Variants in ACTR3C observed in about 807,000 individuals in gnomAD.
ACTR3C encodes actin related protein 3C, also known as actin-related protein 3C.
ACTR3C carries 18 observed loss-of-function variants against 26.3 expected under a neutral mutation model. That is an observed-to-expected ratio of 0.68 (90% CI 0.47 to 1.01). The LOEUF is 1.01. Ranked by LOEUF, ACTR3C falls within the 50% of genes least tolerant of loss-of-function variation. The pLI is 0.00. For synonymous variants in ACTR3C, 55 were observed against 94.5 expected, an observed-to-expected ratio of 0.58 and a Z score of 2.42; for missense variants, 184 against 250.7, an observed-to-expected ratio of 0.73 and a Z score of 1.80.
At chr7:149,950,285 T>C in the ACTR3C span, among the ~76,000 whole-genome samples, 1 of 137,924 alleles carries the variant, frequency 7.3e-6, no homozygotes, top group African/African-American at 3.2e-5. Context: ...TGCCCTCCAG[T>C]GTATTTCACA....
At chr7:150,237,791 G>A in the ACTR3C span, among the ~76,000 whole-genome samples, 1 of 151,444 alleles carries the variant, frequency 6.6e-6, no homozygotes, top group African/African-American at 2.4e-5. Flanking sequence ...ACTTCCTGAA[G>A]AACTTTTTCA....
chr7:149,988,155 G>A, the ACTR3C span, among the ~76,000 whole-genome samples: 9 of 152,318 alleles, frequency 5.9e-5, no homozygotes, highest in Admixed American at 2.0e-4. Context: ...AGGAATGGGC[G>A]AGTTGTTGCC....
At chr7:150,292,695 C>T (rs150085869) in intron 3 of ACTR3C, among the ~76,000 whole-genome samples, 6,728 of 152,238 alleles carry the variant, frequency 0.044, 304 homozygotes, top group South Asian at 0.16. Context: ...CAGGGTTTCT[C>T]CATGTTGGTC....
chr7:150,080,512 AGTGTTTGTGTGTGTATGTGTGTGT>A, the ACTR3C span, among the ~76,000 whole-genome samples: 1 of 127,756 alleles, frequency 7.8e-6, no homozygotes, highest in Non-Finnish European at 1.6e-5. Flanking sequence ...CTGCTGTATG[AGTGTTTGTGTGTGTATGTGTGTGT>A]GTGTGTGTGT....
At chr7:150,039,345 C>G in the ACTR3C span, among the ~76,000 whole-genome samples, 1 of 133,840 alleles carries the variant, frequency 7.5e-6, no homozygotes, top group East Asian at 2.4e-4. Context: ...CAGTCCCCAC[C>G]CTCGTGGGGT....
chr7:149,918,269 TAAAGTGTTTTA>T, the ACTR3C span, among the ~76,000 whole-genome samples: 2 of 152,170 alleles, frequency 1.3e-5, no homozygotes, highest in Admixed American at 1.3e-4. Flanking sequence ...GACTTCCAGT[TAAAGTGTTTTA>T]AAAGTGTTTT....
intron 6 of ACTR3C, among the ~76,000 whole-genome samples, chr7:150,265,640 G>A (rs1833980795): frequency 1.3e-5 from 2 of 152,156 alleles, no homozygotes; most frequent in South Asian, 4.1e-4. Context: ...GTTGCAGTGA[G>A]CCGAGATGGC....
the ACTR3C span, among the ~76,000 whole-genome samples, chr7:149,941,063 C>T: frequency 1.3e-5 from 2 of 152,152 alleles, no homozygotes; most frequent in African/African-American, 2.4e-5. Flanking sequence ...TTTAAAGCCA[C>T]GACCTTCTGT....
At chr7:150,241,983 C>T (rs1832202719), downstream of ACTR3C, among the ~76,000 whole-genome samples, 1 of 152,014 alleles carries the variant, frequency 6.6e-6, no homozygotes, top group Admixed American at 6.6e-5. Context: ...TTTGGGAGGC[C>T]GAAGCGGGCG....
chr7:150,023,856 T>C, the ACTR3C span, among the ~76,000 whole-genome samples: 3 of 132,552 alleles, frequency 2.3e-5, no homozygotes, highest in African/African-American at 5.4e-5. Context: ...AACTGATGTA[T>C]AAAACACTAA....
chr7:150,037,896 G>T, the ACTR3C span, among the ~76,000 whole-genome samples: 11 of 129,634 alleles, frequency 8.5e-5, no homozygotes, highest in East Asian at 1.5e-3. Context: ...GGGAAGAGGG[G>T]CTCGCTCTCA....
chr7:150,270,614 C>T, intron 6 of ACTR3C, among the ~76,000 whole-genome samples: 1 of 135,154 alleles, frequency 7.4e-6, no homozygotes, highest in South Asian at 2.1e-4. Context: ...TGGGCGCCAC[C>T]CCCCCGCCCT....
chr7:150,033,890 G>T, the ACTR3C span, among the ~76,000 whole-genome samples: 2 of 151,460 alleles, frequency 1.3e-5, no homozygotes, highest in Admixed American at 6.6e-5. Flanking sequence ...GGGGAAGAGG[G>T]GCTCGCTCTC....
At chr7:150,163,384 A>G in the ACTR3C span, among the ~76,000 whole-genome samples, 3,200 of 148,780 alleles carry the variant, frequency 0.022, 42 homozygotes, top group Non-Finnish European at 0.033. Flanking sequence ...ATATGTGTGT[A>G]TGTGTGTGTG....
the ACTR3C span, among the ~76,000 whole-genome samples, chr7:150,174,115 G>A: frequency 7.2e-6 from 1 of 139,154 alleles, no homozygotes; most frequent in East Asian, 2.0e-4. Flanking sequence ...ACATTTTCAG[G>A]TATCTTTTCA....
At chr7:149,904,876 A>G in the ACTR3C span, among the ~76,000 whole-genome samples, 1 of 151,192 alleles carries the variant, frequency 6.6e-6, no homozygotes, top group East Asian at 2.0e-4. Context: ...AAATACAAAA[A>G]TTAGCTGGAC....
the ACTR3C span, among the ~76,000 whole-genome samples, chr7:149,993,340 G>A: frequency 3.9e-5 from 6 of 152,174 alleles, no homozygotes; most frequent in Admixed American, 1.3e-4. Context: ...GGTGCCCTGC[G>A]AGGCCAAGCA....
At chr7:149,921,001 C>T in the ACTR3C span, among the ~76,000 whole-genome samples, 1 of 151,852 alleles carries the variant, frequency 6.6e-6, no homozygotes, top group Non-Finnish European at 1.5e-5. Context: ...GGTGATCTGC[C>T]CACCTCGGCT....
the ACTR3C span, among the ~76,000 whole-genome samples, chr7:150,180,288 G>C: frequency 6.7e-6 from 1 of 149,978 alleles, no homozygotes; most frequent in Non-Finnish European, 1.5e-5. Flanking sequence ...CCGGGCGACA[G>C]AGCGAGACTC....
Sources: allele counts gnomAD v4.1 joint callset (sites outside exome capture counted in the v4.1 genomes callset), GRCh38; gene constraint gnomAD v4.1.1; transcripts MANE v1.5; gene names NCBI Gene and HGNC (gene_info 2026-07-23, HGNC 2026-07-21).